The following ERP44 variants were observed in gnomAD, a reference collection of about 807,000 sequenced individuals.
The protein encoded by ERP44 is endoplasmic reticulum protein 44.
A neutral mutation model predicts 53.4 loss-of-function variants in ERP44; 25 were observed. The ratio of observed to expected loss-of-function variants is 0.47; its 90% CI spans 0.34 to 0.65. ERP44 has a LOEUF of 0.65. Among genes scored for constraint, ERP44 ranks in the 30% least tolerant of loss-of-function variants. The pLI, the probability that ERP44 is intolerant of heterozygous loss-of-function variation, is 0.01. For synonymous variants in ERP44, 145 were observed against 161.2 expected, an observed-to-expected ratio of 0.90 and a Z score of 0.76; for missense variants, 338 against 493.2, an observed-to-expected ratio of 0.69 and a Z score of 2.98.
intron 1 of ERP44, among the ~76,000 whole-genome samples, chr9:100,062,061 A>T (rs956796726): frequency 1.7e-4 from 26 of 152,212 alleles, no homozygotes; most frequent in Admixed American, 1.2e-3. Context: ...AGACCCTGAG[A>T]AAAGGAATAT....
intron 1 of ERP44, among the ~76,000 whole-genome samples, chr9:100,063,050 G>T (rs1826169775): frequency 1.5e-5 from 1 of 68,334 alleles, no homozygotes; most frequent in Non-Finnish European, 2.8e-5. Context: ...CTCCAGCCTG[G>T]ATGACAGAAC....
At chr9:100,008,078 G>A (rs1406704601) in intron 8 of ERP44, among the ~76,000 whole-genome samples, 4 of 152,162 alleles carry the variant, frequency 2.6e-5, no homozygotes, top group Non-Finnish European at 5.9e-5. Flanking sequence ...AGTATTTTCA[G>A]TCTTCACAAG....
At position 100,018,289 on chromosome 9, in the gene ERP44, A is replaced by G. The variant is rs747833870; in HGVS notation, c.612T>C (p.Tyr204=). ...GTTTGTAGATTATGTTGTCGCCACT[A>G]TATCTTTCCGGTTTTGAAACATCCC... ...AFGDVSKPER[Y]SGDNIIYKPP... Residue 204 remains tyrosine, a synonymous_variant, in exon 7 of 12, where the codon TAT becomes TAC. Transcript: ENST00000262455. The G allele has an allele frequency of 3.9e-5, 63 of 1,607,464 alleles. No individual in the cohort carries two copies. The South Asian group carries it at 5.8e-4, about 15-fold the overall frequency.
intron 10 of ERP44, among the ~76,000 whole-genome samples, chr9:99,987,163 T>G (rs996451351): frequency 1.3e-5 from 2 of 152,180 alleles, no homozygotes; most frequent in Non-Finnish European, 2.9e-5. Context: ...AGACGAGAGA[T>G]AGGATGAATC....
chr9:100,092,559 A>G (rs1054156506), intron 1 of ERP44, among the ~76,000 whole-genome samples: 17 of 152,364 alleles, frequency 1.1e-4, no homozygotes, highest in African/African-American at 4.1e-4. Flanking sequence ...CTTTTGCATT[A>G]CACTGCCTTT....
At chr9:100,005,536 T>A in intron 10 of ERP44, among the ~76,000 whole-genome samples, 1 of 152,326 alleles carries the variant, frequency 6.6e-6, no homozygotes, top group East Asian at 1.9e-4. Flanking sequence ...TATAACATAA[T>A]CATTATTTCT....
Position 100,057,851 on chromosome 9 carries a change from C to T in ERP44, c.139G>A (p.Asp47Asn). The T allele has an allele frequency of 6.2e-7, 1 of 1,601,034 alleles. No homozygotes were observed. Among genetic ancestry groups the T allele is most frequent in the Non-Finnish European group, 8.5e-7 (1 of 1,172,052 alleles). Reference protein sequence around the residue: ...ENIDEILNNADVALVNFYADW... With the variant: ...ENIDEILNNANVALVNFYADW... ...GCATAAAAATTTACTAAAGCAACAT[C>T]AGCATTGTCTGAAATTGAAAGACAA... Residue 47 changes from aspartate to asparagine, a missense_variant, in exon 3 of 12, where the codon GAT becomes AAT. Transcript: ENST00000262455.
intron 1 of ERP44, among the ~76,000 whole-genome samples, chr9:100,060,680 A>G (rs1417592144): frequency 6.6e-6 from 1 of 152,214 alleles, no homozygotes; most frequent in African/African-American, 2.4e-5. Flanking sequence ...AATGTGTTAC[A>G]TGAGAGGCTA....
chr9:100,014,473 G>A (rs575034437), intron 8 of ERP44, among the ~76,000 whole-genome samples: 112 of 151,996 alleles, frequency 7.4e-4, no homozygotes, highest in South Asian at 4.4e-3. Flanking sequence ...TAGTAGAGAC[G>A]GGGGTTTCAC....
chr9:99,991,607 A>G (rs1427780706), intron 10 of ERP44, among the ~76,000 whole-genome samples: 1 of 152,240 alleles, frequency 6.6e-6, no homozygotes, highest in Non-Finnish European at 1.5e-5. Flanking sequence ...TAAAATAACT[A>G]GAGAAGCAAG....
At position 100,044,729 on chromosome 9, in the gene ERP44, G is replaced by GT. The variant is rs575224392; in HGVS notation, c.286+7687dup. 3.5e-4 allele frequency among the ~76,000 whole-genome samples: 53 copies of GT among 152,264 alleles called. 1 individual carries two copies. In the South Asian group the frequency reaches 0.011, roughly 30 times the overall value. On this transcript the variant is annotated intron_variant, in intron 4 of 11. Coordinates refer to ENST00000262455, the MANE Select transcript of ERP44 (RefSeq NM_015051.3). Reference sequence around the variant, plus strand: ...ATACTTTTTCAAAAACTCCAAGGAAGTAAGGCGCTCCTAGCTTTTTCCTTA... The same window carrying GT: ...ATACTTTTTCAAAAACTCCAAGGAAGTTAAGGCGCTCCTAGCTTTTTCCTTA...
intron 1 of ERP44, among the ~76,000 whole-genome samples, chr9:100,075,093 T>C (rs1341318127): frequency 6.6e-6 from 1 of 152,196 alleles, no homozygotes; most frequent in Non-Finnish European, 1.5e-5. Flanking sequence ...CTGCAGAGAT[T>C]AGTGTCACCA....
At position 100,060,189 on chromosome 9, in the gene ERP44, T is replaced by C; in HGVS notation, c.58-17A>G. ...CCAAGTTACCTGAAAATTTAAAAAA[T>C]GAGAAATTAATAAATGTGTCCACAA... On this transcript the variant is annotated splice_polypyrimidine_tract_variant and intron_variant, in intron 1 of 11. Transcript: ENST00000262455. The C allele has an allele frequency of 6.7e-7, 1 of 1,485,392 alleles. No individual in the cohort carries two copies. The highest frequency in any genetic ancestry group is 1.4e-5 in the African/African-American group (1 of 69,468). 92.0% of individuals were successfully genotyped at this position (1,485,392 alleles called of 1,614,324 possible).
chr9:99,993,631 G>C (rs1830278751), intron 10 of ERP44, among the ~76,000 whole-genome samples: 1 of 152,160 alleles, frequency 6.6e-6, no homozygotes, highest in Admixed American at 6.5e-5. Flanking sequence ...AACACCAAAA[G>C]CAATGGCAAC....
intron 4 of ERP44, among the ~76,000 whole-genome samples, chr9:100,026,447 C>T (rs1452046796): frequency 6.6e-6 from 1 of 151,954 alleles, no homozygotes; most frequent in African/African-American, 2.4e-5. Flanking sequence ...GATTAATATT[C>T]AGAATATAAA....
intron 1 of ERP44, among the ~76,000 whole-genome samples, chr9:100,066,313 G>A (rs2118725797): frequency 1.3e-5 from 2 of 152,218 alleles, no homozygotes; most frequent in South Asian, 4.1e-4. Context: ...TATCAGAGAT[G>A]TACATAGATG....
At chr9:100,011,623 A>C (rs972729857) in intron 8 of ERP44, among the ~76,000 whole-genome samples, 4 of 152,162 alleles carry the variant, frequency 2.6e-5, no homozygotes, top group African/African-American at 4.8e-5. Flanking sequence ...ATAGAAAGAC[A>C]CCCAATCTGA....
At chr9:100,082,465 C>T (rs1399424660) in intron 1 of ERP44, among the ~76,000 whole-genome samples, 1 of 151,640 alleles carries the variant, frequency 6.6e-6, no homozygotes, top group East Asian at 1.9e-4. Context: ...ACATGCTATA[C>T]ACCTCAAGTC....
rs141104609 is a variant in ERP44 at position 100,087,791 on chromosome 9, A to T, written c.57+10993T>A. On this transcript the variant is annotated intron_variant, in intron 1 of 11. Transcript: ENST00000262455. ...ATCAGGATTAAACAAAAAGAGCCCA[A>T]TCTTATATTGTTCAAAATATACACA... Among the ~76,000 whole-genome samples, 26 of 152,260 alleles carry T rather than the reference A, an allele frequency of 1.7e-4. No homozygotes were observed. In the East Asian group the frequency reaches 4.8e-3, roughly 28 times the overall value.
Sources: allele counts gnomAD v4.1 joint callset (sites outside exome capture counted in the v4.1 genomes callset), GRCh38; gene constraint gnomAD v4.1.1; transcripts MANE v1.5; gene names NCBI Gene and HGNC (gene_info 2026-07-23, HGNC 2026-07-21).